ADK: variants seen among roughly 807,000 people sequenced by gnomAD.
The protein encoded by ADK is adenosine kinase.
A neutral mutation model predicts 44.7 loss-of-function variants in ADK; 24 were observed. The ratio of observed to expected loss-of-function variants is 0.54; its 90% CI spans 0.39 to 0.76. ADK has a LOEUF of 0.76. ADK is among the 30% of genes least tolerant of loss of function. ADK has a pLI of 0.00. For missense variants in ADK, 321 were observed against 425.1 expected (o/e 0.76, Z 2.15); for synonymous variants, 128 against 142.6 (o/e 0.90, Z 0.73).
intron 10 of ADK, among the ~76,000 whole-genome samples, chr10:74,686,996 CTCCGTT>C (rs757295361): frequency 3.3e-5 from 5 of 152,116 alleles, no homozygotes; most frequent in Admixed American, 1.3e-4. Flanking sequence ...ATCTCTAAGC[CTCCGTT>C]TCCTCATTTA....
chr10:74,318,847 C>T (rs544574976), intron 4 of ADK, among the ~76,000 whole-genome samples: 6 of 152,214 alleles, frequency 3.9e-5, no homozygotes, highest in Admixed American at 3.9e-4. Context: ...ATCTAAACAC[C>T]TATTATTGAT....
At chr10:74,533,335 C>T (rs1274398586) in intron 7 of ADK, among the ~76,000 whole-genome samples, 3 of 152,008 alleles carry the variant, frequency 2.0e-5, no homozygotes, top group African/African-American at 7.3e-5. Flanking sequence ...GTAGCCAAAC[C>T]AACGTGGATT....
intron 9 of ADK, among the ~76,000 whole-genome samples, chr10:74,642,337 C>G (rs141008664): frequency 0.019 from 2,779 of 145,938 alleles, 84 homozygotes; most frequent in African/African-American, 0.064. Context: ...TTTTTCCTGG[C>G]TTACATTTTT....
At chr10:74,599,214 C>T (rs945918207) in intron 8 of ADK, among the ~76,000 whole-genome samples, 4 of 152,194 alleles carry the variant, frequency 2.6e-5, no homozygotes, top group Admixed American at 2.6e-4. Flanking sequence ...AACAACTGTC[C>T]TCTAGAAGTC....
At chr10:74,284,790 C>T (rs1328319558) in intron 3 of ADK, among the ~76,000 whole-genome samples, 1 of 152,226 alleles carries the variant, frequency 6.6e-6, no homozygotes, top group Non-Finnish European at 1.5e-5. Flanking sequence ...AAGTGATTCT[C>T]TTCTGAGGTC....
intron 6 of ADK, among the ~76,000 whole-genome samples, chr10:74,442,177 A>G (rs543241672): frequency 2.0e-5 from 3 of 152,232 alleles, no homozygotes; most frequent in East Asian, 3.9e-4. Flanking sequence ...CTCCCTCACA[A>G]TGAGATACTA....
intron 2 of ADK, among the ~76,000 whole-genome samples, chr10:74,217,049 G>A (rs1244796938): frequency 6.6e-6 from 1 of 152,246 alleles, no homozygotes; most frequent in Non-Finnish European, 1.5e-5. Flanking sequence ...CCGTGCATGA[G>A]CCGAAGCAGG....
At chr10:74,580,641 G>A (rs1026835522) in intron 7 of ADK, among the ~76,000 whole-genome samples, 1 of 151,320 alleles carries the variant, frequency 6.6e-6, no homozygotes, top group African/African-American at 2.4e-5. Flanking sequence ...ATCCATGTAA[G>A]ATGTGACGTG....
intron 6 of ADK, among the ~76,000 whole-genome samples, chr10:74,465,315 A>G (rs190243552): frequency 1.3e-5 from 2 of 152,326 alleles, no homozygotes; most frequent in Admixed American, 1.3e-4. Flanking sequence ...GGCTAGAGTA[A>G]AATGAGCAAT....
At chr10:74,419,331 C>A (rs546405222) in intron 6 of ADK, among the ~76,000 whole-genome samples, 191 of 152,036 alleles carry the variant, frequency 1.3e-3, no homozygotes, top group Admixed American at 2.1e-3. Context: ...TTCCCCCCCC[C>A]AAAAATCCCT....
chr10:74,483,553 G>A (rs980050175), intron 6 of ADK, among the ~76,000 whole-genome samples: 12 of 152,076 alleles, frequency 7.9e-5, no homozygotes, highest in African/African-American at 2.4e-4. Flanking sequence ...TCTACCACAC[G>A]GTCAGGCTGT....
At chr10:74,617,785 T>C (rs907290371) in intron 9 of ADK, among the ~76,000 whole-genome samples, 5 of 151,932 alleles carry the variant, frequency 3.3e-5, no homozygotes, top group African/African-American at 9.7e-5. Context: ...AGAGACGAGG[T>C]CTCACTGTCT....
At chr10:74,157,110 T>C (rs897153414) in intron 1 of ADK, among the ~76,000 whole-genome samples, 11 of 152,178 alleles carry the variant, frequency 7.2e-5, no homozygotes, top group African/African-American at 2.7e-4. Context: ...GATGCAGAAG[T>C]GGCTGAGCTG....
intron 7 of ADK, among the ~76,000 whole-genome samples, chr10:74,584,027 A>G (rs1851452629): frequency 6.6e-6 from 1 of 152,224 alleles, no homozygotes; most frequent in South Asian, 2.1e-4. Flanking sequence ...AAGATGAACA[A>G]AACATACCAT....
Position 74,708,405 on chromosome 10 carries a change from G to A in ADK, c.1049G>A (p.Arg350Gln), listed in dbSNP as rs779011247. ...GHYAASIIIRRTGCTFPEKPD... is the reference protein window; with the variant it reads ...GHYAASIIIRQTGCTFPEKPD... ...TATGCAGCAAGCATCATAATTAGAC[G>A]GACTGGCTGCACCTTTCCTGAGAAG... The change falls in exon 11 of 11, where the codon CGG becomes CAG. Residue 350 changes from arginine (R) to glutamine (Q), a missense_variant. Transcript: ENST00000539909. The A allele has an allele frequency of 8.7e-6, 14 of 1,612,318 alleles. No homozygotes were observed. Among genetic ancestry groups the A allele is most frequent in the East Asian group, 2.2e-5 (1 of 44,824 alleles).
intron 9 of ADK, among the ~76,000 whole-genome samples, chr10:74,609,654 G>A (rs1287656679): frequency 6.6e-6 from 1 of 152,070 alleles, no homozygotes; most frequent in Non-Finnish European, 1.5e-5. Context: ...GATCTCGCTG[G>A]GAGGTGCAGA....
At chr10:74,685,860 A>G (rs1181690329) in intron 10 of ADK, among the ~76,000 whole-genome samples, 1 of 151,936 alleles carries the variant, frequency 6.6e-6, no homozygotes, top group East Asian at 1.9e-4. Context: ...AGGAGCATAA[A>G]CCCATTTCAC....
At chr10:74,377,352 T>A (rs539166114) in intron 4 of ADK, among the ~76,000 whole-genome samples, 1 of 152,316 alleles carries the variant, frequency 6.6e-6, no homozygotes, top group Admixed American at 6.5e-5. Context: ...AGAGGAGTTT[T>A]ACACTAAATG....
At chr10:74,503,613 A>G (rs887742288) in intron 6 of ADK, among the ~76,000 whole-genome samples, 3 of 152,222 alleles carry the variant, frequency 2.0e-5, no homozygotes, top group Non-Finnish European at 2.9e-5. Context: ...TAAAATTGAT[A>G]GGACCTTAGA....
Sources: gnomAD v4.1 joint callset for allele counts (sites outside exome capture counted in the v4.1 genomes callset) on GRCh38, gnomAD v4.1.1 for gene constraint, MANE v1.5 for transcripts, NCBI Gene and HGNC (gene_info 2026-07-23, HGNC 2026-07-21) for gene names.